Variants in KRT73 observed in about 807,000 individuals in gnomAD.
KRT73 encodes the protein keratin 73.
KRT73 carries 44 observed loss-of-function variants against 47.2 expected under a neutral mutation model. The ratio of observed to expected loss-of-function variants is 0.93; its 90% CI spans 0.73 to 1.20. KRT73 has a LOEUF of 1.20. KRT73 is among the 50% of genes most tolerant of loss of function. The pLI, the probability that KRT73 is intolerant of heterozygous loss-of-function variation, is 0.00. For missense variants in KRT73, 713 were observed against 704.5 expected (o/e 1.01, Z -0.14); for synonymous variants, 285 against 291.3 (o/e 0.98, Z 0.22).
intron 1 of KRT73, among the ~76,000 whole-genome samples, chr12:52,617,437 C>T (rs902830145): frequency 1.3e-5 from 2 of 152,156 alleles, no homozygotes; most frequent in African/African-American, 4.8e-5. Flanking sequence ...TTCTAACAAG[C>T]GTCCAGGTGA....
the KRT73 span, among the ~76,000 whole-genome samples, chr12:52,629,110 G>C: frequency 2.6e-5 from 4 of 152,206 alleles, no homozygotes; most frequent in African/African-American, 4.8e-5. Flanking sequence ...CCTGGATGCT[G>C]CACCAGATCC....
At chr12:52,620,041 C>T (rs1463296843), upstream of KRT73, among the ~76,000 whole-genome samples, 1 of 151,204 alleles carries the variant, frequency 6.6e-6, no homozygotes, top group Non-Finnish European at 1.5e-5. Flanking sequence ...TTCAATTTCA[C>T]TAAAGGCAAT....
chr12:52,630,694 C>G, the KRT73 span, among the ~76,000 whole-genome samples: 1 of 152,200 alleles, frequency 6.6e-6, no homozygotes, highest in Non-Finnish European at 1.5e-5. Flanking sequence ...CATCTGTTTC[C>G]TGAGGTTGGT....
At chr12:52,613,037 C>T (rs1020369514) in intron 5 of KRT73, among the ~76,000 whole-genome samples, 10 of 152,188 alleles carry the variant, frequency 6.6e-5, no homozygotes, top group Admixed American at 2.0e-4. Context: ...AAGCCTCTCT[C>T]CTCCACCACT....
chr12:52,609,412 G>C, intron 7 of KRT73, 131 bp from the exon 8 acceptor site: 1 of 754,346 alleles, frequency 1.3e-6, no homozygotes, highest in South Asian at 1.4e-5. Context: ...TTGCCAGATG[G>C]CACTGGCTGC....
At chr12:52,611,016 A>C in intron 6 of KRT73, 181 bp from the exon 7 acceptor site, 1 of 928,734 alleles carries the variant, frequency 1.1e-6, no homozygotes, top group Non-Finnish European at 1.6e-6. Context: ...TGGGCCCCAC[A>C]GCTTTATGAA....
chr12:52,630,044 C>G, the KRT73 span, among the ~76,000 whole-genome samples: 2 of 152,206 alleles, frequency 1.3e-5, no homozygotes, highest in African/African-American at 4.8e-5. Context: ...CAGCCTTTCT[C>G]AACAGCAGGG....
At chr12:52,622,081 A>G (rs779299627), upstream of KRT73, among the ~76,000 whole-genome samples, 4 of 152,226 alleles carry the variant, frequency 2.6e-5, no homozygotes, top group Non-Finnish European at 5.9e-5. Context: ...CCAAATGTTT[A>G]TTTAAAAAAT....
chr12:52,618,954 G>A (rs1592246847), upstream of KRT73, among the ~76,000 whole-genome samples: 1 of 152,318 alleles, frequency 6.6e-6, no homozygotes, highest in African/African-American at 2.4e-5. Context: ...AGCATCAGAT[G>A]GGCTGCTTCA....
chr12:52,615,194 G>T, intron 3 of KRT73, 85 bp downstream of exon 3: 1 of 1,189,320 alleles, frequency 8.4e-7, no homozygotes, highest in South Asian at 1.4e-5. Flanking sequence ...GCCCTTCTGC[G>T]GGGGGCTCAG....
rs751091260 is a variant in KRT73, at chr12:52,616,387, C to T, written c.448-7G>A. 5.0e-6 allele frequency: 8 copies of T among 1,614,026 alleles called. No homozygotes were observed. Among genetic ancestry groups the T allele is most frequent in the Non-Finnish European group, 6.8e-6 (8 of 1,180,026 alleles). Reference sequence around the variant, plus strand: ...GCTGCTCCAGGAACCGCACCTGGAACCCATGCCACACATACTTAAGCAATG... The same window carrying T: ...GCTGCTCCAGGAACCGCACCTGGAATCCATGCCACACATACTTAAGCAATG... On this transcript the variant is annotated splice_region_variant and splice_polypyrimidine_tract_variant and intron_variant, in intron 1 of 8. Coordinates refer to ENST00000305748, the MANE Select transcript of KRT73 (RefSeq NM_175068.3).
the KRT73 span, among the ~76,000 whole-genome samples, chr12:52,630,735 G>A: frequency 6.6e-6 from 1 of 152,310 alleles, no homozygotes; most frequent in South Asian, 2.1e-4. Flanking sequence ...GGGTGGCTCA[G>A]TTCAGCTCAT....
rs761842683 is a variant in KRT73 at position 52,610,719 on chromosome 12, C to G, written c.1227G>C (p.Glu409Asp). Residue 409 changes from glutamate (E) to aspartate (D), a missense_variant, in exon 7 of 9, where the codon GAG becomes GAC. By Grantham distance (45) the Glu-to-Asp change is conservative (BLOSUM62 2). Coordinates refer to ENST00000305748, the MANE Select transcript of KRT73 (RefSeq NM_175068.3). ...LEGALQQAKEELARMLREYQE... is the reference protein window; with the variant it reads ...LEGALQQAKEDLARMLREYQE... ...GGTACTCGCGCAGCATCCGTGCCAG[C>G]TCCTCCTTGGCCTGCTGCAGGGCGC... is the stretch of plus-strand genomic sequence containing the variant. The G allele has an allele frequency of 1.9e-6, 3 of 1,614,092 alleles. No homozygotes were observed. Among genetic ancestry groups the G allele is most frequent in the Non-Finnish European group, 1.7e-6 (2 of 1,180,028 alleles).
intron 5 of KRT73, among the ~76,000 whole-genome samples, chr12:52,613,202 C>T (rs1940738588): frequency 6.6e-6 from 1 of 152,206 alleles, no homozygotes. Context: ...TTCCCACCCA[C>T]TACCATTAGG....
At chr12:52,620,109 C>CTTTTTTTTTTTTT (rs10638831), upstream of KRT73, among the ~76,000 whole-genome samples, 30 of 94,450 alleles carry the variant, frequency 3.2e-4, 1 homozygote, top group African/African-American at 1.0e-3. Flanking sequence ...TCCTTTTTTT[C>CTTTTTTTTTTTTT]TTTTTTTTTT....
chr12:52,616,998 G>A (rs1193917443), intron 1 of KRT73, among the ~76,000 whole-genome samples: 1 of 152,098 alleles, frequency 6.6e-6, no homozygotes, highest in Admixed American at 6.5e-5. Flanking sequence ...AAACCCTCAG[G>A]TGGTTCCACA....
intron 1 of KRT73, among the ~76,000 whole-genome samples, chr12:52,616,896 C>A (rs1940826127): frequency 6.6e-6 from 1 of 152,196 alleles, no homozygotes; most frequent in African/African-American, 2.4e-5. Flanking sequence ...GCTTTCATGT[C>A]TGAATCTCTA....
At chr12:52,625,365 T>C in the KRT73 span, among the ~76,000 whole-genome samples, 1 of 152,316 alleles carries the variant, frequency 6.6e-6, no homozygotes, top group African/African-American at 2.4e-5. Context: ...GAATAGTTCA[T>C]ACCGATGGCA....
At chr12:52,627,048 C>G in the KRT73 span, among the ~76,000 whole-genome samples, 1 of 152,188 alleles carries the variant, frequency 6.6e-6, no homozygotes, top group African/African-American at 2.4e-5. Flanking sequence ...CCATTTCAAC[C>G]ATTTATGGTG....
Sources: allele counts gnomAD v4.1 joint callset (sites outside exome capture counted in the v4.1 genomes callset), GRCh38; gene constraint gnomAD v4.1.1; transcripts MANE v1.5; gene names NCBI Gene and HGNC (gene_info 2026-07-23, HGNC 2026-07-21).